The following MYH14 variants were observed in gnomAD, a reference collection of about 807,000 sequenced individuals.
MYH14 encodes myosin heavy chain 14, also known as myosin-14.
Under a neutral mutation model 255.5 loss-of-function variants are expected in MYH14, and 123 were observed. The ratio of observed to expected loss-of-function variants is 0.48; its 90% CI spans 0.42 to 0.56. MYH14 has a LOEUF of 0.56. MYH14 is among the 20% of genes least tolerant of loss of function. The pLI, the probability that MYH14 is intolerant of heterozygous loss-of-function variation, is 0.00. For synonymous variants in MYH14, 1,095 were observed against 1,161.2 expected (o/e 0.94, Z 1.16); for missense variants, 2,423 against 2,802.3 (o/e 0.86, Z 3.06).
At chr19:50,239,136 C>T (rs1445442234) in intron 10 of MYH14, among the ~76,000 whole-genome samples, 1 of 152,256 alleles carries the variant, frequency 6.6e-6, no homozygotes, top group Non-Finnish European at 1.5e-5. Context: ...TCTCCTGCCT[C>T]AGCCTCCTGA....
chr19:50,231,568 C>T (rs3859442), intron 9 of MYH14, among the ~76,000 whole-genome samples: 143,197 of 151,832 alleles, frequency 0.94, 67,519 homozygotes, highest in East Asian at 0.96. Flanking sequence ...TAATAATAAG[C>T]TGGGCATGGT....
chr19:50,280,063 G>T lies in MYH14; in HGVS notation c.4059G>T (p.Ala1353=), dbSNP rs374065479. The change falls in exon 31 of 43, where the codon GCG becomes GCT. Residue 1353 remains alanine (A), a synonymous_variant. Coordinates refer to ENST00000642316, the MANE Select transcript of MYH14 (RefSeq NM_001145809.2). The surrounding 1 kb of genome is among the most constrained non-coding windows in gnomAD (Gnocchi z 4.8). ...AQAELENVSG[A]LNEAESKTIR... ...CTGAACTGGAGAATGTGTCTGGGGC[G>T]CTGAACGAGGCTGAGTCCAAAACCA... 1.2e-6 allele frequency: 2 copies of T among 1,609,894 alleles called. No individual in the cohort carries two copies. The highest frequency in any genetic ancestry group is 1.7e-6 in the Non-Finnish European group (2 of 1,178,128).
At chr19:50,215,190 C>T (rs1191522709) in intron 2 of MYH14, among the ~76,000 whole-genome samples, 1 of 151,146 alleles carries the variant, frequency 6.6e-6, no homozygotes, top group Non-Finnish European at 1.5e-5. Context: ...GCCCTGGAAA[C>T]AAGGTGTGGC....
At chr19:50,283,569 G>T (rs1318902016) in intron 33 of MYH14, among the ~76,000 whole-genome samples, 2 of 152,020 alleles carry the variant, frequency 1.3e-5, no homozygotes, top group African/African-American at 2.4e-5. Context: ...GAACATTTGG[G>T]TTTTTTTCCA....
intron 26 of MYH14, among the ~76,000 whole-genome samples, chr19:50,272,337 G>A (rs1163114775): frequency 1.3e-5 from 2 of 152,096 alleles, no homozygotes; most frequent in African/African-American, 4.8e-5. Context: ...TCAGAGGGTG[G>A]AGGCATGGGC....
At chr19:50,282,472 C>T (rs576939673) in intron 33 of MYH14, among the ~76,000 whole-genome samples, 13 of 152,200 alleles carry the variant, frequency 8.5e-5, no homozygotes, top group African/African-American at 2.7e-4. Flanking sequence ...GAGGCCAAGG[C>T]GGGCGGATTG....
At chr19:50,243,707 T>A (rs997243117) in intron 10 of MYH14, among the ~76,000 whole-genome samples, 1 of 152,350 alleles carries the variant, frequency 6.6e-6, no homozygotes, top group African/African-American at 2.4e-5. Flanking sequence ...CTTTTGCACA[T>A]AGATAGCAGT....
chr19:50,245,863 C>CT lies in MYH14; in HGVS notation c.1211-1133dup, dbSNP rs528120346. Reference sequence around the variant, plus strand: ...ACCCTGCAAACTGTTTTGAAACCTGCTTTTTTTTCCCCTGAATGCTTTCGG... The same window carrying CT: ...ACCCTGCAAACTGTTTTGAAACCTGCTTTTTTTTTCCCCTGAATGCTTTCGG... On this transcript the variant is annotated intron_variant, in intron 11 of 42. Transcript: ENST00000642316. Among the ~76,000 whole-genome samples the CT allele has an allele frequency of 2.2e-3, 340 of 152,180 alleles. 2 individuals carry two copies. The highest frequency in any genetic ancestry group is 7.7e-3 in the African/African-American group (320 of 41,520).
In MYH14 at chr19:50,255,905, G is replaced by A. The variant is rs1232084391; in HGVS notation, c.2044+587G>A. On this transcript the variant is annotated intron_variant, in intron 17 of 42. Transcript: ENST00000642316. Reference sequence around the variant, plus strand: ...GATTATCTAGTTGACGGTTGATGGCGCTTGAATGGGATGAGTTTTGCAGGA... The same window carrying A: ...GATTATCTAGTTGACGGTTGATGGCACTTGAATGGGATGAGTTTTGCAGGA... Among the ~76,000 whole-genome samples, 4 of 150,500 alleles carry A rather than the reference G, an allele frequency of 2.7e-5. No homozygotes were observed. In the East Asian group the frequency reaches 5.8e-4, roughly 22 times the overall value.
chr19:50,281,452 T>C, intron 32 of MYH14, 142 bp from the exon 33 acceptor site: 2 of 1,250,064 alleles, frequency 1.6e-6, no homozygotes, highest in Non-Finnish European at 2.2e-6. Flanking sequence ...TTCACACCAC[T>C]CAGAGGCAGA....
At chr19:50,271,628 G>T in intron 25 of MYH14, 82 bp downstream of exon 25, 2 of 1,536,378 alleles carry the variant, frequency 1.3e-6, no homozygotes, top group African/African-American at 1.4e-5. Context: ...CGCCATGGGG[G>T]TTACCACACT....
chr19:50,210,900 C>G, intron 2 of MYH14, 130 bp downstream of exon 2: 1 of 1,420,316 alleles, frequency 7.0e-7, no homozygotes, highest in Non-Finnish European at 9.3e-7. Context: ...CGTGACTGTT[C>G]CTACACTTAC....
chr19:50,306,614 CTT>C (rs2036662141), intron 40 of MYH14, among the ~76,000 whole-genome samples: 1 of 152,122 alleles, frequency 6.6e-6, no homozygotes, highest in Admixed American at 6.5e-5. Flanking sequence ...AAATATAAGA[CTT>C]TTTATACAGG....
Position 50,223,087 on chromosome 19 carries a change from T to C in MYH14, c.567T>C (p.Arg189=). 6.2e-7 allele frequency: 1 copy of C among 1,613,540 alleles called. No homozygotes were observed. The highest frequency in any genetic ancestry group is 8.5e-7 in the Non-Finnish European group (1 of 1,179,526). ...CCCCCACTCTGTCCCCTACAGATCGTGAGGACCAGTCCATTCTCTGCACGT... is the reference window on the plus strand; with the variant it reads ...CCCCCACTCTGTCCCCTACAGATCGCGAGGACCAGTCCATTCTCTGCACGT... ...EGAYRSMLQD[R]EDQSILCTGE... Residue 189 remains arginine (R), a synonymous_variant, in exon 4 of 43, where the codon CGT becomes CGC. Transcript: ENST00000642316.
chr19:50,298,492 G>A (rs537128726), intron 39 of MYH14, among the ~76,000 whole-genome samples: 5 of 152,044 alleles, frequency 3.3e-5, no homozygotes, highest in South Asian at 4.2e-4. Context: ...AAGGCCAAGC[G>A]CGGTGGCTCA....
intron 8 of MYH14, among the ~76,000 whole-genome samples, chr19:50,228,645 T>C (rs117382676): frequency 6.6e-6 from 1 of 152,294 alleles, no homozygotes; most frequent in East Asian, 1.9e-4. Context: ...CTCTCCATGG[T>C]ACCTGCATAT....
intron 1 of MYH14, among the ~76,000 whole-genome samples, chr19:50,208,545 C>T (rs192549986): frequency 1.4e-4 from 21 of 152,024 alleles, no homozygotes; most frequent in African/African-American, 4.8e-4. Context: ...AAACAAAAAC[C>T]ATACTATCTA....
At chr19:50,296,333 C>T (rs1456399658) in intron 39 of MYH14, among the ~76,000 whole-genome samples, 2 of 152,018 alleles carry the variant, frequency 1.3e-5, no homozygotes, top group South Asian at 2.1e-4. Context: ...GCTGGCTGGG[C>T]GCAGTGGCTC....
At position 50,263,350 on chromosome 19, in the gene MYH14, G is replaced by T; in HGVS notation, c.2624G>T (p.Arg875Met). The change falls in exon 22 of 43, where the codon AGG becomes ATG. Residue 875 changes from arginine to methionine, a missense_variant. Transcript: ENST00000642316. Reference protein sequence around the residue: ...QKRQQQQSALRVMQRNCAAYL... With the variant: ...QKRQQQQSALMVMQRNCAAYL... ...CGCCAGCAGCAGCAGAGCGCCCTGA[G>T]GGTGATGCAGCGGAACTGCGCGGCC... 1 of 1,594,418 alleles carries T rather than the reference G, an allele frequency of 6.3e-7. No individual in the cohort carries two copies. Among genetic ancestry groups the T allele is most frequent in the East Asian group, 2.3e-5 (1 of 43,810 alleles).
Sources: gnomAD v4.1 joint callset for allele counts (sites outside exome capture counted in the v4.1 genomes callset) on GRCh38, gnomAD v4.1.1 for gene constraint, Gnocchi (gnomAD v3.1) non-coding constraint, MANE v1.5 for transcripts, NCBI Gene and HGNC (gene_info 2026-07-23, HGNC 2026-07-21) for gene names.